LRP1B: variants seen among roughly 807,000 people sequenced by gnomAD.
The protein encoded by LRP1B is low-density lipoprotein receptor-related protein 1B.
LRP1B carries 217 observed loss-of-function variants against 556.6 expected under a neutral mutation model. That is an observed-to-expected ratio of 0.39 (90% confidence interval 0.35 to 0.44). The LOEUF (loss-of-function observed/expected upper bound fraction) is 0.44, where lower values mean the gene tolerates loss of function less well. Among genes scored for constraint, LRP1B ranks in the 20% least tolerant of loss-of-function variants. LRP1B has a pLI of 1.00. For missense variants in LRP1B, 5,053 were observed against 5,620.8 expected, an observed-to-expected ratio of 0.90 and a Z score of 3.23; for synonymous variants, 2,047 against 1,865.8, an observed-to-expected ratio of 1.10 and a Z score of -2.50.
chr2:141,668,192 T>G (rs928557435), intron 2 of LRP1B, among the ~76,000 whole-genome samples: 1 of 152,200 alleles, frequency 6.6e-6, no homozygotes, highest in Non-Finnish European at 1.5e-5. Flanking sequence ...CCCTTACCTT[T>G]GCACAGTCTG....
chr2:140,564,748 G>C lies in LRP1B; in HGVS notation c.7195-22777C>G, dbSNP rs186741331. 7.2e-5 allele frequency among the ~76,000 whole-genome samples: 11 copies of C among 152,106 alleles called. No individual in the cohort carries two copies. In the East Asian group the frequency reaches 1.7e-3, roughly 24 times the overall value. ...TATACAGAATTACAGGACTTCTTGT[G>C]ATGTATACAGTTTAATTAAAAATCA... On this transcript the variant is annotated intron_variant, in intron 43 of 90. Transcript: ENST00000389484.
intron 12 of LRP1B, among the ~76,000 whole-genome samples, chr2:141,016,215 C>T (rs929888019): frequency 6.6e-6 from 1 of 152,008 alleles, no homozygotes; most frequent in Non-Finnish European, 1.5e-5. Context: ...TTTTTGGGGG[C>T]TGTTGATACC....
intron 2 of LRP1B, among the ~76,000 whole-genome samples, chr2:141,562,162 A>G (rs909499156): frequency 6.6e-6 from 1 of 151,990 alleles, no homozygotes; most frequent in Non-Finnish European, 1.5e-5. Flanking sequence ...AAAAGGATGT[A>G]TAATGGAGGC....
chr2:141,261,069 A>G (rs1684666106), intron 3 of LRP1B, among the ~76,000 whole-genome samples: 1 of 152,176 alleles, frequency 6.6e-6, no homozygotes, highest in Admixed American at 6.5e-5. Flanking sequence ...CATGCCAGAC[A>G]GCTCCTCTTG....
intron 1 of LRP1B, among the ~76,000 whole-genome samples, chr2:141,826,932 C>T (rs990731542): frequency 6.6e-6 from 1 of 152,010 alleles, no homozygotes; most frequent in East Asian, 1.9e-4. Context: ...TTTAAATATC[C>T]GCGTTTCTGT....
intron 6 of LRP1B, among the ~76,000 whole-genome samples, chr2:141,190,461 G>T (rs549242128): frequency 1.3e-5 from 2 of 151,978 alleles, no homozygotes; most frequent in South Asian, 4.1e-4. Context: ...CACTGAAATT[G>T]CATGTTAATT....
intron 41 of LRP1B, among the ~76,000 whole-genome samples, chr2:140,694,519 T>A (rs765460624): frequency 6.6e-6 from 1 of 152,166 alleles, no homozygotes; most frequent in Non-Finnish European, 1.5e-5. Context: ...TCTTCTGCAG[T>A]TTTACTTCAA....
At chr2:141,752,961 A>AAAAAAAAAAAAAAC (rs1694173025) in intron 2 of LRP1B, among the ~76,000 whole-genome samples, 1 of 145,198 alleles carries the variant, frequency 6.9e-6, no homozygotes. Context: ...AAAAAAAAAA[A>AAAAAAAAAAAAAAC]TTATGCTGGG....
At chr2:140,296,061 G>A (rs1386258935) in intron 84 of LRP1B, among the ~76,000 whole-genome samples, 2 of 152,088 alleles carry the variant, frequency 1.3e-5, no homozygotes, top group Non-Finnish European at 2.9e-5. Flanking sequence ...TTCTTTTAAA[G>A]AGATAGAAAA....
chr2:141,910,539 A>T (rs1054796294), intron 1 of LRP1B, among the ~76,000 whole-genome samples: 17 of 152,082 alleles, frequency 1.1e-4, no homozygotes, highest in African/African-American at 3.4e-4. Flanking sequence ...TAAGATATGG[A>T]TCCTACTGGC....
intron 5 of LRP1B, among the ~76,000 whole-genome samples, chr2:141,235,730 C>T (rs1041507083): frequency 1.3e-5 from 2 of 152,108 alleles, no homozygotes; most frequent in Non-Finnish European, 2.9e-5. Flanking sequence ...GAGCCAGACA[C>T]TGTAATACAT....
intron 1 of LRP1B, among the ~76,000 whole-genome samples, chr2:142,109,433 T>A (rs1463999116): frequency 6.6e-6 from 1 of 152,194 alleles, no homozygotes; most frequent in Non-Finnish European, 1.5e-5. Context: ...AATGTTTTAA[T>A]TTCTTTTTCT....
chr2:141,353,717 T>G (rs1353027294), intron 3 of LRP1B, among the ~76,000 whole-genome samples: 1 of 151,926 alleles, frequency 6.6e-6, no homozygotes, highest in Non-Finnish European at 1.5e-5. Flanking sequence ...ATAACAATTA[T>G]TAATTGTGAC....
intron 1 of LRP1B, among the ~76,000 whole-genome samples, chr2:142,101,585 T>G (rs1706570681): frequency 6.6e-6 from 1 of 151,974 alleles, no homozygotes; most frequent in African/African-American, 2.4e-5. Context: ...AAGGTAGACA[T>G]AGATTGGAAG....
At chr2:140,322,881 T>G (rs1350968495) in intron 81 of LRP1B, among the ~76,000 whole-genome samples, 1 of 151,676 alleles carries the variant, frequency 6.6e-6, no homozygotes, top group East Asian at 1.9e-4. Context: ...GTCTACTTTT[T>G]ATGAATGTGG....
At chr2:141,103,489 T>A (rs1882641) in intron 7 of LRP1B, among the ~76,000 whole-genome samples, 41,374 of 149,756 alleles carry the variant, frequency 0.28, 6,167 homozygotes, top group East Asian at 0.64. Context: ...GGGATATAAG[T>A]ACATTTGCAG....
Position 141,480,377 on chromosome 2 carries a change from G to A in LRP1B, c.343+19C>T. 1 of 1,613,432 alleles carries A rather than the reference G, an allele frequency of 6.2e-7. No homozygotes were observed. Among genetic ancestry groups the A allele is most frequent in the Admixed American group, 1.7e-5 (1 of 59,936 alleles). On this transcript the variant is annotated intron_variant, in intron 3 of 90. Coordinates refer to ENST00000389484, the MANE Select transcript of LRP1B (RefSeq NM_018557.3). ...TAAAATTTAATATTTCAGTTGCATT[G>A]TTCCACAAATGGACTCACCCTGACA...
intron 10 of LRP1B, among the ~76,000 whole-genome samples, chr2:141,054,181 A>G (rs1297304219): frequency 1.3e-5 from 2 of 152,044 alleles, no homozygotes; most frequent in African/African-American, 2.4e-5. Context: ...ATCTAATTTC[A>G]CAGTCCTTAG....
chr2:141,199,005 C>G (rs1419554111), intron 6 of LRP1B, among the ~76,000 whole-genome samples: 1 of 152,106 alleles, frequency 6.6e-6, no homozygotes, highest in African/African-American at 2.4e-5. Context: ...TATAACTGCT[C>G]TCTCTGCTTC....
Sources: gnomAD v4.1 joint callset for allele counts (sites outside exome capture counted in the v4.1 genomes callset) on GRCh38, gnomAD v4.1.1 for gene constraint, MANE v1.5 for transcripts, NCBI Gene and HGNC (gene_info 2026-07-23, HGNC 2026-07-21) for gene names.